Variants in GALNTL6 observed in about 807,000 individuals in gnomAD.
The protein encoded by GALNTL6 is polypeptide N-acetylgalactosaminyltransferase like 6, also known as polypeptide N-acetylgalactosaminyltransferase-like 6.
Under a neutral mutation model 73.7 loss-of-function variants are expected in GALNTL6, and 46 were observed. The observed-to-expected ratio is 0.62, with a 90% confidence interval of 0.49 to 0.80. The LOEUF is 0.80. GALNTL6 is among the 30% of genes least tolerant of loss of function. GALNTL6 has a pLI of 0.00. For synonymous variants in GALNTL6, 259 were observed against 263.7 expected, an observed-to-expected ratio of 0.98 and a Z score of 0.17; for missense variants, 604 against 755.0, an observed-to-expected ratio of 0.80 and a Z score of 2.34.
chr4:172,361,551 C>T (rs913913835), intron 5 of GALNTL6, among the ~76,000 whole-genome samples: 1 of 152,064 alleles, frequency 6.6e-6, no homozygotes, highest in Non-Finnish European at 1.5e-5. Flanking sequence ...TGGGTCTGTA[C>T]TTAGCCTAAA....
intron 8 of GALNTL6, among the ~76,000 whole-genome samples, chr4:172,924,070 G>A (rs1293717331): frequency 6.6e-6 from 1 of 151,990 alleles, no homozygotes; most frequent in East Asian, 1.9e-4. Context: ...GGGAAAACTA[G>A]ACAAAGAAAA....
chr4:172,235,356 C>T (rs1169664517), intron 3 of GALNTL6, among the ~76,000 whole-genome samples: 1 of 152,010 alleles, frequency 6.6e-6, no homozygotes, highest in Non-Finnish European at 1.5e-5. Context: ...TACAGATATG[C>T]ACCACCATGC....
intron 9 of GALNTL6, among the ~76,000 whole-genome samples, chr4:172,936,742 T>A (rs550280614): frequency 1.3e-5 from 2 of 152,240 alleles, no homozygotes; most frequent in Admixed American, 1.3e-4. Flanking sequence ...GAACTAACTA[T>A]AAGAACCATC....
At chr4:172,306,556 G>A (rs544224811) in intron 3 of GALNTL6, among the ~76,000 whole-genome samples, 2 of 152,308 alleles carry the variant, frequency 1.3e-5, no homozygotes, top group Non-Finnish European at 2.9e-5. Context: ...AGATTTGGGT[G>A]TACCCATCAC....
chr4:172,339,604 TTC>T (rs1402596854), intron 4 of GALNTL6, among the ~76,000 whole-genome samples: 1 of 152,156 alleles, frequency 6.6e-6, no homozygotes, highest in Admixed American at 6.5e-5. Flanking sequence ...GCATCCTGCT[TTC>T]AACTCCAGTC....
At chr4:172,816,967 C>T (rs2111009796) in intron 7 of GALNTL6, among the ~76,000 whole-genome samples, 1 of 151,936 alleles carries the variant, frequency 6.6e-6, no homozygotes, top group South Asian at 2.1e-4. Context: ...ATTAGCCGGG[C>T]ATGGTGGTGG....
At chr4:172,589,269 G>A (rs1737545219) in intron 5 of GALNTL6, among the ~76,000 whole-genome samples, 1 of 152,140 alleles carries the variant, frequency 6.6e-6, no homozygotes, top group African/African-American at 2.4e-5. Flanking sequence ...ATTAATCCCA[G>A]AAATTAAGTA....
chr4:171,880,830 G>A (rs113625279), intron 2 of GALNTL6, among the ~76,000 whole-genome samples: 117 of 152,100 alleles, frequency 7.7e-4, no homozygotes, highest in African/African-American at 2.5e-3. Context: ...AAGAAAAACT[G>A]TCAATAGTTG....
At chr4:172,398,069 C>T (rs1743914141) in intron 5 of GALNTL6, among the ~76,000 whole-genome samples, 1 of 152,028 alleles carries the variant, frequency 6.6e-6, no homozygotes, top group South Asian at 2.1e-4. Flanking sequence ...ATTTCTAAAG[C>T]AGAATATATT....
chr4:172,857,796 T>C (rs1744194692), intron 7 of GALNTL6, among the ~76,000 whole-genome samples: 1 of 152,220 alleles, frequency 6.6e-6, no homozygotes, highest in South Asian at 2.1e-4. Context: ...CTGTAAAAGA[T>C]GTAAAAATAA....
At chr4:171,946,759 G>A (rs533277663) in intron 2 of GALNTL6, among the ~76,000 whole-genome samples, 3 of 152,308 alleles carry the variant, frequency 2.0e-5, no homozygotes, top group Admixed American at 6.5e-5. Flanking sequence ...AAACATTTAT[G>A]GCAGGGGGAG....
At chr4:171,979,164 T>C (rs1278984287) in intron 2 of GALNTL6, among the ~76,000 whole-genome samples, 1 of 152,216 alleles carries the variant, frequency 6.6e-6, no homozygotes, top group African/African-American at 2.4e-5. Flanking sequence ...AATCTTTGAA[T>C]TGACCCAGAG....
intron 2 of GALNTL6, among the ~76,000 whole-genome samples, chr4:171,995,212 T>C (rs1351287636): frequency 6.6e-6 from 1 of 151,980 alleles, no homozygotes; most frequent in Non-Finnish European, 1.5e-5. Context: ...TGGTGTTAAA[T>C]AGAAAGAATA....
intron 5 of GALNTL6, among the ~76,000 whole-genome samples, chr4:172,675,877 A>G (rs1732275488): frequency 1.3e-5 from 2 of 152,224 alleles, no homozygotes; most frequent in Admixed American, 6.5e-5. Flanking sequence ...ATCATTTCTG[A>G]ATCCTTGAGG....
intron 5 of GALNTL6, among the ~76,000 whole-genome samples, chr4:172,655,990 C>T (rs1252673784): frequency 1.3e-5 from 2 of 152,094 alleles, no homozygotes; most frequent in African/African-American, 4.8e-5. Flanking sequence ...ATGTGATAAG[C>T]CACATATTAT....
At chr4:172,461,328 A>G (rs1358178180) in intron 5 of GALNTL6, among the ~76,000 whole-genome samples, 1 of 152,206 alleles carries the variant, frequency 6.6e-6, no homozygotes, top group African/African-American at 2.4e-5. Flanking sequence ...ACAAACCTGC[A>G]TGTTCTTCAC....
chr4:172,117,686 T>C (rs533834241), intron 2 of GALNTL6, among the ~76,000 whole-genome samples: 1 of 152,208 alleles, frequency 6.6e-6, no homozygotes, highest in South Asian at 2.1e-4. Flanking sequence ...TAAAAACAAA[T>C]TGTGGCCTAT....
intron 2 of GALNTL6, among the ~76,000 whole-genome samples, chr4:172,170,666 A>G (rs1734787222): frequency 6.6e-6 from 1 of 151,892 alleles, no homozygotes; most frequent in African/African-American, 2.4e-5. Context: ...GCATTCCACC[A>G]AACCCGGCTA....
intron 5 of GALNTL6, among the ~76,000 whole-genome samples, chr4:172,604,090 G>T (rs1358876094): frequency 6.6e-6 from 1 of 152,186 alleles, no homozygotes; most frequent in East Asian, 1.9e-4. Context: ...GTAACATCAT[G>T]CTATGTCAAG....
Sources: gnomAD v4.1 joint callset for allele counts (sites outside exome capture counted in the v4.1 genomes callset) on GRCh38, gnomAD v4.1.1 for gene constraint, MANE v1.5 for transcripts, NCBI Gene and HGNC (gene_info 2026-07-23, HGNC 2026-07-21) for gene names.